Variants in SGCZ observed in about 807,000 individuals in gnomAD.
SGCZ encodes sarcoglycan zeta.
Under a neutral mutation model 41.3 loss-of-function variants are expected in SGCZ, and 40 were observed. That is an observed-to-expected ratio of 0.97 (90% CI 0.75 to 1.26). SGCZ has a LOEUF of 1.26. Among genes scored for constraint, SGCZ ranks in the 50% most tolerant of loss-of-function variants. The pLI, the probability that SGCZ is intolerant of heterozygous loss-of-function variation, is 0.00. For missense variants in SGCZ, 552 were observed against 369.8 expected (o/e 1.49, Z -4.04); for synonymous variants, 206 against 137.5 (o/e 1.50, Z -3.49).
intron 2 of SGCZ, among the ~76,000 whole-genome samples, chr8:14,435,145 G>A (rs1234680588): frequency 1.3e-5 from 2 of 151,988 alleles, no homozygotes; most frequent in Non-Finnish European, 2.9e-5. Context: ...GTTATCTCAG[G>A]GCAAACGCTG....
chr8:14,325,466 T>C (rs1303321406), intron 2 of SGCZ, among the ~76,000 whole-genome samples: 2 of 148,458 alleles, frequency 1.3e-5, no homozygotes, highest in African/African-American at 2.5e-5. Context: ...AAATTGGTTA[T>C]ATATATATAA....
At chr8:14,220,645 G>A (rs13278543) in intron 4 of SGCZ, among the ~76,000 whole-genome samples, 36,190 of 151,992 alleles carry the variant, frequency 0.24, 5,543 homozygotes, top group Non-Finnish European at 0.34. Context: ...AAATCAGTTG[G>A]GCGTAGTGGT....
intron 1 of SGCZ, among the ~76,000 whole-genome samples, chr8:14,927,623 T>G (rs1443347601): frequency 6.6e-6 from 1 of 151,594 alleles, no homozygotes; most frequent in African/African-American, 2.4e-5. Flanking sequence ...GGCAGAGAGG[T>G]AGGAAGAAAA....
chr8:14,330,978 T>G (rs1447783499), intron 2 of SGCZ, among the ~76,000 whole-genome samples: 2 of 151,896 alleles, frequency 1.3e-5, no homozygotes, highest in Admixed American at 1.3e-4. Context: ...AAATCCCCTT[T>G]CAAATTACCA....
chr8:15,149,313 G>A (rs1799116616), intron 1 of SGCZ, among the ~76,000 whole-genome samples: 1 of 152,172 alleles, frequency 6.6e-6, no homozygotes, highest in Non-Finnish European at 1.5e-5. Flanking sequence ...GCAAATTCAA[G>A]TATGGAGGAT....
intron 1 of SGCZ, among the ~76,000 whole-genome samples, chr8:14,925,995 G>A (rs919642871): frequency 1.3e-5 from 2 of 152,174 alleles, no homozygotes; most frequent in South Asian, 2.1e-4. Flanking sequence ...ACAGATAGCT[G>A]AAGTACACAT....
At chr8:14,237,247 G>C (rs1428734188) in intron 4 of SGCZ, among the ~76,000 whole-genome samples, 1 of 152,102 alleles carries the variant, frequency 6.6e-6, no homozygotes, top group Non-Finnish European at 1.5e-5. Flanking sequence ...ATTGGCAAGA[G>C]TAATAACTAC....
At chr8:14,450,093 C>G (rs1326681709) in intron 2 of SGCZ, among the ~76,000 whole-genome samples, 1 of 151,932 alleles carries the variant, frequency 6.6e-6, no homozygotes, top group Non-Finnish European at 1.5e-5. Flanking sequence ...TTCATTAAAC[C>G]AGAAAGAAAA....
intron 2 of SGCZ, among the ~76,000 whole-genome samples, chr8:14,511,654 T>G (rs1802471919): frequency 2.6e-5 from 4 of 152,140 alleles, no homozygotes; most frequent in Admixed American, 2.6e-4. Context: ...TAATTATATT[T>G]TAGAAGTGAA....
At chr8:14,351,519 A>T (rs920144424) in intron 2 of SGCZ, among the ~76,000 whole-genome samples, 17 of 151,702 alleles carry the variant, frequency 1.1e-4, no homozygotes, top group African/African-American at 4.1e-4. Flanking sequence ...ATACCTTTCT[A>T]GAAAAAAGTG....
At chr8:14,899,767 A>G (rs1798899871) in intron 1 of SGCZ, among the ~76,000 whole-genome samples, 1 of 152,024 alleles carries the variant, frequency 6.6e-6, no homozygotes, top group Middle Eastern at 3.2e-3. Context: ...GGAAGGAGAG[A>G]AGGGAGAAAA....
rs938549705 is a variant in SGCZ, at chr8:14,566,891, G to C, written c.40-11965C>G. On this transcript the variant is annotated intron_variant, in intron 1 of 7. Coordinates refer to ENST00000382080, the MANE Select transcript of SGCZ (RefSeq NM_139167.4). ...GGCCAGTGCGAGTTCCAGGTGGGCG[G>C]CTGTGGGCTCGGCAGGCCCCACACT... Among the ~76,000 whole-genome samples the C allele has an allele frequency of 2.6e-5, 4 of 152,276 alleles. No homozygotes were observed. The East Asian group carries it at 7.8e-4, about 30-fold the overall frequency.
intron 1 of SGCZ, among the ~76,000 whole-genome samples, chr8:15,014,993 C>A (rs1300230828): frequency 6.6e-6 from 1 of 152,116 alleles, no homozygotes; most frequent in Non-Finnish European, 1.5e-5. Flanking sequence ...GCCTGTAATC[C>A]CACTTTGGGA....
chr8:14,802,594 T>C (rs937765824), intron 1 of SGCZ, among the ~76,000 whole-genome samples: 1 of 152,218 alleles, frequency 6.6e-6, no homozygotes. Flanking sequence ...TTTACACACA[T>C]ACAAACACAG....
chr8:15,033,940 T>C (rs1803779818), intron 1 of SGCZ, among the ~76,000 whole-genome samples: 2 of 152,192 alleles, frequency 1.3e-5, no homozygotes, highest in Admixed American at 1.3e-4. Context: ...TCAGAATCTC[T>C]GCATGGGCTA....
intron 1 of SGCZ, among the ~76,000 whole-genome samples, chr8:14,846,691 A>G (rs1419828961): frequency 1.6e-5 from 2 of 124,086 alleles, no homozygotes; most frequent in Non-Finnish European, 3.4e-5. Context: ...TGTAGCTAAA[A>G]CCCTTTAAAT....
chr8:14,822,993 G>A (rs949474969), intron 1 of SGCZ, among the ~76,000 whole-genome samples: 1 of 144,216 alleles, frequency 6.9e-6, no homozygotes, highest in Admixed American at 7.5e-5. Context: ...GGCAGAGATT[G>A]CAGTAAGCCA....
intron 1 of SGCZ, among the ~76,000 whole-genome samples, chr8:14,806,185 G>A (rs1377767606): frequency 2.6e-5 from 4 of 151,890 alleles, no homozygotes; most frequent in Non-Finnish European, 4.4e-5. Context: ...AAAAGCAAGA[G>A]CAAACACATT....
At position 14,916,381 on chromosome 8, in the gene SGCZ, A is replaced by G. The variant is rs182894857; in HGVS notation, c.39+321204T>C. On this transcript the variant is annotated intron_variant, in intron 1 of 7. Coordinates refer to ENST00000382080, the MANE Select transcript of SGCZ (RefSeq NM_139167.4). ...GCACCTCAAATACAAAGAAATATTT[A>G]CCACATATAGACATAGATAGCATGG... Among the ~76,000 whole-genome samples the G allele has an allele frequency of 5.1e-3, 777 of 152,312 alleles. 7 individuals carry two copies. Among genetic ancestry groups the G allele is most frequent in the African/African-American group, 0.018 (741 of 41,582 alleles).
Sources: allele counts gnomAD v4.1 joint callset (sites outside exome capture counted in the v4.1 genomes callset), GRCh38; gene constraint gnomAD v4.1.1; transcripts MANE v1.5; gene names NCBI Gene and HGNC (gene_info 2026-07-23, HGNC 2026-07-21).